The following LMNTD1 variants were observed in gnomAD, a reference collection of about 807,000 sequenced individuals.
LMNTD1 encodes the protein lamin tail domain containing 1.
LMNTD1 carries 35 observed loss-of-function variants against 50.9 expected under a neutral mutation model. That is an observed-to-expected ratio of 0.69 (90% CI 0.53 to 0.91). LMNTD1 has a LOEUF of 0.91. Among genes scored for constraint, LMNTD1 ranks in the 40% least tolerant of loss-of-function variants. LMNTD1 has a pLI of 0.00. For synonymous variants in LMNTD1, 153 were observed against 161.9 expected (o/e 0.94, Z 0.42); for missense variants, 470 against 475.5 (o/e 0.99, Z 0.11).
exon 1 of LMNTD1, chr12:25,648,494 T>G (rs749348503): frequency 2.3e-5 from 35 of 1,551,278 alleles, no homozygotes; most frequent in Non-Finnish European, 3.0e-5. Context: ...TCTCACTTAC[T>G]GTGGTGGGTC....
At chr12:25,523,613 C>T (rs116586572) in intron 6 of LMNTD1, among the ~76,000 whole-genome samples, 2,871 of 151,936 alleles carry the variant, frequency 0.019, 70 homozygotes, top group African/African-American at 0.055. Context: ...ATTTACCTGG[C>T]GGTTGCAGAT....
chr12:25,587,257 C>T (rs773501804), intron 1 of LMNTD1, among the ~76,000 whole-genome samples: 11 of 152,144 alleles, frequency 7.2e-5, no homozygotes, highest in Non-Finnish European at 1.0e-4. Flanking sequence ...TGTGTCAGTT[C>T]GTTCTATTAT....
At chr12:25,611,181 A>G (rs190076612) in intron 1 of LMNTD1, among the ~76,000 whole-genome samples, 1 of 152,210 alleles carries the variant, frequency 6.6e-6, no homozygotes, top group Admixed American at 6.5e-5. Flanking sequence ...CCATTTGGTG[A>G]TTAAGAAGAA....
intron 9 of LMNTD1, among the ~76,000 whole-genome samples, chr12:25,498,487 G>C (rs961211641): frequency 5.3e-5 from 8 of 152,174 alleles, no homozygotes; most frequent in African/African-American, 9.6e-5. Flanking sequence ...TCCAACTGTA[G>C]AGAATCAGAC....
intron 1 of LMNTD1, among the ~76,000 whole-genome samples, chr12:25,570,730 T>G (rs1432501145): frequency 6.6e-6 from 1 of 152,186 alleles, no homozygotes; most frequent in Non-Finnish European, 1.5e-5. Context: ...TTGTTCCTAG[T>G]GGATCAATAA....
chr12:25,607,429 G>T (rs939692220), intron 1 of LMNTD1, among the ~76,000 whole-genome samples: 10 of 152,186 alleles, frequency 6.6e-5, no homozygotes, highest in South Asian at 4.2e-4. Flanking sequence ...TGATGTTAGG[G>T]TGTCAATTTT....
At chr12:25,566,142 T>A (rs1243941083) in intron 1 of LMNTD1, among the ~76,000 whole-genome samples, 1 of 152,142 alleles carries the variant, frequency 6.6e-6, no homozygotes, top group Non-Finnish European at 1.5e-5. Flanking sequence ...TTTTTTAGGT[T>A]TGGGAAGTCC....
chr12:25,494,052 A>C (rs1179613707), intron 9 of LMNTD1, among the ~76,000 whole-genome samples: 2 of 152,164 alleles, frequency 1.3e-5, no homozygotes, highest in African/African-American at 2.4e-5. Context: ...ACCCCAACCT[A>C]TCCAGGAGGC....
intron 1 of LMNTD1, among the ~76,000 whole-genome samples, chr12:25,563,427 C>T (rs1327750699): frequency 1.3e-5 from 2 of 152,250 alleles, no homozygotes; most frequent in Non-Finnish European, 2.9e-5. Flanking sequence ...CGCTGTTTGC[C>T]TGGGTATCAC....
At chr12:25,490,774 A>T (rs1037016800) in intron 9 of LMNTD1, among the ~76,000 whole-genome samples, 6 of 152,164 alleles carry the variant, frequency 3.9e-5, no homozygotes, top group African/African-American at 1.4e-4. Context: ...ATATATGGAG[A>T]TTTGTGCTTC....
At chr12:25,558,927 T>G (rs1397982989) in intron 1 of LMNTD1, among the ~76,000 whole-genome samples, 1 of 152,072 alleles carries the variant, frequency 6.6e-6, no homozygotes, top group African/African-American at 2.4e-5. Flanking sequence ...ATCACGTGTA[T>G]TTGTATAATT....
intron 9 of LMNTD1, among the ~76,000 whole-genome samples, chr12:25,491,933 T>G (rs1027544845): frequency 6.6e-6 from 1 of 152,142 alleles, no homozygotes; most frequent in African/African-American, 2.4e-5. Context: ...GTTGATAATT[T>G]ACATAAAATA....
chr12:25,602,362 T>C (rs1946001172), intron 1 of LMNTD1, among the ~76,000 whole-genome samples: 1 of 151,926 alleles, frequency 6.6e-6, no homozygotes, highest in South Asian at 2.1e-4. Context: ...TGACCCACAT[T>C]GTATTGACTT....
At chr12:25,482,736 C>T (rs1005769605) in intron 9 of LMNTD1, among the ~76,000 whole-genome samples, 3 of 152,042 alleles carry the variant, frequency 2.0e-5, no homozygotes, top group South Asian at 2.1e-4. Context: ...TTCTCTAATC[C>T]TCCTGGTGCT....
At chr12:25,551,552 C>A (rs1943745699) in intron 2 of LMNTD1, among the ~76,000 whole-genome samples, 1 of 152,038 alleles carries the variant, frequency 6.6e-6, no homozygotes, top group South Asian at 2.1e-4. Flanking sequence ...ACTATGCCTG[C>A]TAATTTTGAA....
intron 8 of LMNTD1, among the ~76,000 whole-genome samples, chr12:25,506,537 T>C (rs1939796834): frequency 6.6e-6 from 1 of 152,198 alleles, no homozygotes; most frequent in East Asian, 1.9e-4. Context: ...GGCAAAATTG[T>C]CGATAATCTA....
chr12:25,526,072 AAC>A (rs773921816), intron 6 of LMNTD1, 25 bp downstream of exon 6: 7 of 1,536,730 alleles, frequency 4.6e-6, no homozygotes, highest in Admixed American at 2.3e-5. Flanking sequence ...AAAAAAAAAA[AAC>A]GATTGTTAAG....
At chr12:25,518,737 A>T in intron 8 of LMNTD1, 58 bp downstream of exon 8, 1 of 1,467,812 alleles carries the variant, frequency 6.8e-7, no homozygotes, top group South Asian at 1.2e-5. Context: ...CCACTAGTTA[A>T]CACATGTGCA....
intron 1 of LMNTD1, among the ~76,000 whole-genome samples, chr12:25,605,658 T>C (rs950549916): frequency 2.0e-5 from 3 of 152,220 alleles, no homozygotes; most frequent in African/African-American, 4.8e-5. Flanking sequence ...GTTGTAGATA[T>C]GTGGCATTAT....
Sources: gnomAD v4.1 joint callset for allele counts (sites outside exome capture counted in the v4.1 genomes callset) on GRCh38, gnomAD v4.1.1 for gene constraint, MANE v1.5 for transcripts, NCBI Gene and HGNC (gene_info 2026-07-23, HGNC 2026-07-21) for gene names.